DIAPH2: variants seen among roughly 807,000 people sequenced by gnomAD.
The protein encoded by DIAPH2 is protein diaphanous homolog 2.
In DIAPH2, 35 loss-of-function variants were observed where a neutral mutation model predicts 92.7. The ratio of observed to expected loss-of-function variants is 0.38; its 90% CI spans 0.29 to 0.50. The LOEUF (loss-of-function observed/expected upper bound fraction) is 0.50, where lower values mean the gene tolerates loss of function less well. Among genes scored for constraint, DIAPH2 ranks in the 20% least tolerant of loss-of-function variants. The probability of loss-of-function intolerance (pLI) is 0.94; values close to 1 mark genes in which losing one functional copy is unlikely to be tolerated. For synonymous variants in DIAPH2, 301 were observed against 280.4 expected (o/e 1.07, Z -0.73); for missense variants, 701 against 819.5 (o/e 0.86, Z 1.77).
chrX:96,701,281 A>G (rs769489583), intron 1 of DIAPH2, among the ~76,000 whole-genome samples: 13 of 111,794 alleles, frequency 1.2e-4, no homozygotes, highest in Admixed American at 2.9e-4. Flanking sequence ...GGGTATAAAC[A>G]TAAGTATATA....
At chrX:96,724,795 TATTA>T (rs1372548139) in intron 1 of DIAPH2, among the ~76,000 whole-genome samples, 4 of 112,519 alleles carry the variant, frequency 3.6e-5, no homozygotes, top group Non-Finnish European at 7.5e-5. Context: ...TGATTCATAA[TATTA>T]ATTAAAAGAG....
At chrX:96,874,040 T>G (rs2065162141) in intron 4 of DIAPH2, among the ~76,000 whole-genome samples, 1 of 112,013 alleles carries the variant, frequency 8.9e-6, no homozygotes, top group Non-Finnish European at 1.9e-5. Context: ...TAAGGTATTT[T>G]CACAAGTGCA....
intron 1 of DIAPH2, among the ~76,000 whole-genome samples, chrX:96,691,222 C>G (rs2063796719): frequency 9.0e-6 from 1 of 111,542 alleles, no homozygotes; most frequent in East Asian, 2.8e-4. Flanking sequence ...GACCCAACTC[C>G]AGTCTACCAT....
intron 5 of DIAPH2, among the ~76,000 whole-genome samples, chrX:96,886,285 CAT>C (rs1465461390): frequency 2.7e-5 from 3 of 109,239 alleles, no homozygotes; most frequent in Admixed American, 9.8e-5. Flanking sequence ...AAATAAAAAA[CAT>C]ATACTTTTTA....
chrX:96,770,598 A>AT (rs1332158418), intron 4 of DIAPH2, among the ~76,000 whole-genome samples: 2 of 111,828 alleles, frequency 1.8e-5, no homozygotes, highest in African/African-American at 3.2e-5. Context: ...TTCCAATTTG[A>AT]TTTTTTTAAA....
Position 97,438,131 on chromosome X carries a change from A to G in DIAPH2, c.3241+8386A>G, listed in dbSNP as rs761071631. Among the ~76,000 whole-genome samples, 6 of 106,594 alleles carry G rather than the reference A, an allele frequency of 5.6e-5. 1 individual carries two copies. In the South Asian group the frequency reaches 1.6e-3, roughly 29 times the overall value. 92.6% of individuals were successfully genotyped at this position (106,594 alleles called of 115,157 possible). ...GTGAGACCCTCTCTTTAAAAAAAAA[A>G]AAAAAGAAAAAAAAAAGTAGTACCT... On this transcript the variant is annotated intron_variant, in intron 26 of 26. Coordinates refer to ENST00000324765, the MANE Select transcript of DIAPH2 (RefSeq NM_006729.5).
chrX:97,568,509 A>G (rs1486225589), intron 26 of DIAPH2, among the ~76,000 whole-genome samples: 1 of 111,942 alleles, frequency 8.9e-6, no homozygotes, highest in Non-Finnish European at 1.9e-5. Context: ...CTGAATTGGG[A>G]TGACCACAAT....
intron 4 of DIAPH2, among the ~76,000 whole-genome samples, chrX:96,786,082 T>A (rs2064454983): frequency 9.0e-6 from 1 of 111,623 alleles, no homozygotes; most frequent in Non-Finnish European, 1.9e-5. Flanking sequence ...AGGACACCTG[T>A]GTATGTTTGA....
chrX:96,993,810 G>T (rs1189277907), intron 17 of DIAPH2, among the ~76,000 whole-genome samples: 2 of 112,075 alleles, frequency 1.8e-5, no homozygotes, highest in Non-Finnish European at 3.8e-5. Flanking sequence ...TGAGATGTTT[G>T]CAGAGAAAAA....
chrX:96,910,294 A>G (rs2065461402), intron 5 of DIAPH2, among the ~76,000 whole-genome samples: 1 of 111,671 alleles, frequency 9.0e-6, no homozygotes, highest in Admixed American at 9.5e-5. Flanking sequence ...CTTGTTGCCA[A>G]TTATCATTAC....
intron 17 of DIAPH2, among the ~76,000 whole-genome samples, chrX:97,050,893 T>C (rs1198539798): frequency 8.9e-6 from 1 of 112,235 alleles, no homozygotes; most frequent in East Asian, 2.8e-4. Flanking sequence ...GTTTTGAGTT[T>C]GCAATCACGG....
chrX:96,685,272 G>A, intron 1 of DIAPH2, 82 bp downstream of exon 1: 2 of 938,893 alleles, frequency 2.1e-6, no homozygotes, highest in East Asian at 4.1e-5. Context: ...GGGGGCACCC[G>A]GGGCCCCCTC....
intron 3 of DIAPH2, among the ~76,000 whole-genome samples, chrX:96,754,991 A>G (rs149660176): frequency 0.031 from 3,224 of 105,689 alleles, 146 homozygotes; most frequent in African/African-American, 0.11. Flanking sequence ...TCTGTGGACC[A>G]CATTATGAGT....
chrX:97,215,597 A>T (rs925131097), intron 22 of DIAPH2, among the ~76,000 whole-genome samples: 1 of 111,638 alleles, frequency 9.0e-6, no homozygotes, highest in Admixed American at 9.5e-5. Context: ...ATAGGTCTTC[A>T]TATGCCCCTT....
chrX:96,928,966 G>T (rs1212665578), intron 9 of DIAPH2, among the ~76,000 whole-genome samples: 2 of 111,282 alleles, frequency 1.8e-5, no homozygotes, highest in Non-Finnish European at 3.8e-5. Flanking sequence ...AGATACAATT[G>T]CAGGACTCAT....
At chrX:97,483,529 G>C (rs768143580) in intron 26 of DIAPH2, among the ~76,000 whole-genome samples, 1 of 112,199 alleles carries the variant, frequency 8.9e-6, no homozygotes, top group South Asian at 3.8e-4. Context: ...AAAAGACATA[G>C]CTGTCAAAAC....
chrX:97,228,225 C>A (rs766307642), intron 22 of DIAPH2, among the ~76,000 whole-genome samples: 1 of 111,340 alleles, frequency 9.0e-6, no homozygotes, highest in Non-Finnish European at 1.9e-5. Context: ...ATAATTAAAT[C>A]CTGCCCCTGA....
chrX:96,933,591 G>T (rs188420964), intron 10 of DIAPH2, among the ~76,000 whole-genome samples: 172 of 102,442 alleles, frequency 1.7e-3, no homozygotes, highest in East Asian at 2.4e-3. Flanking sequence ...TATTTTATAT[G>T]TTTATATTTT....
chrX:97,544,126 C>A (rs1490250210), intron 26 of DIAPH2, among the ~76,000 whole-genome samples: 11 of 111,073 alleles, frequency 9.9e-5, no homozygotes, highest in Non-Finnish European at 2.1e-4. Context: ...CAAGAAGTGC[C>A]CTTCCCTGTC....
Sources: allele counts gnomAD v4.1 joint callset (sites outside exome capture counted in the v4.1 genomes callset), GRCh38; gene constraint gnomAD v4.1.1; transcripts MANE v1.5; gene names NCBI Gene and HGNC (gene_info 2026-07-23, HGNC 2026-07-21).